Variants in VAV3 observed in about 807,000 individuals in gnomAD.
VAV3 encodes vav guanine nucleotide exchange factor 3.
In VAV3, 94 loss-of-function variants were observed where a neutral mutation model predicts 131.2. That is an observed-to-expected ratio of 0.72 (90% CI 0.61 to 0.85). The LOEUF is 0.85. Among genes scored for constraint, VAV3 ranks in the 40% least tolerant of loss-of-function variants. The pLI, the probability that VAV3 is intolerant of heterozygous loss-of-function variation, is 0.00. For missense variants in VAV3, 939 were observed against 1,002.7 expected, an observed-to-expected ratio of 0.94 and a Z score of 0.86; for synonymous variants, 349 against 342.0, an observed-to-expected ratio of 1.02 and a Z score of -0.22.
intron 2 of VAV3, among the ~76,000 whole-genome samples, chr1:107,797,560 G>C (rs891526152): frequency 1.3e-5 from 2 of 152,104 alleles, no homozygotes; most frequent in Admixed American, 1.3e-4. Flanking sequence ...CTGGGTCAAG[G>C]GAGGTTCTCC....
At chr1:107,882,427 AG>A (rs1334067859) in intron 1 of VAV3, among the ~76,000 whole-genome samples, 3 of 152,182 alleles carry the variant, frequency 2.0e-5, no homozygotes. Flanking sequence ...AAGGCACAGA[AG>A]AGACGACCAT....
intron 2 of VAV3, among the ~76,000 whole-genome samples, chr1:107,843,191 G>T (rs1668803932): frequency 6.6e-6 from 1 of 151,806 alleles, no homozygotes; most frequent in Non-Finnish European, 1.5e-5. Context: ...GACAGCTCTG[G>T]AATCAGGCTA....
At chr1:107,660,698 A>C (rs1429389300) in intron 19 of VAV3, among the ~76,000 whole-genome samples, 4 of 152,148 alleles carry the variant, frequency 2.6e-5, no homozygotes, top group African/African-American at 4.8e-5. Context: ...ATGCATATTA[A>C]TTTTTTTAAA....
At chr1:107,640,230 A>G (rs1312965275) in intron 20 of VAV3, among the ~76,000 whole-genome samples, 2 of 152,210 alleles carry the variant, frequency 1.3e-5, no homozygotes, top group East Asian at 3.8e-4. Flanking sequence ...GTCCATCAAC[A>G]GGTTAACGGG....
chr1:107,876,023 T>G (rs1282576450), intron 1 of VAV3, among the ~76,000 whole-genome samples: 1 of 151,456 alleles, frequency 6.6e-6, no homozygotes, highest in East Asian at 1.9e-4. Context: ...AAGAGGAGAG[T>G]ACCTGAGCCA....
At chr1:107,962,702 T>G (rs933895163) in intron 1 of VAV3, among the ~76,000 whole-genome samples, 1 of 152,208 alleles carries the variant, frequency 6.6e-6, no homozygotes, top group African/African-American at 2.4e-5. Flanking sequence ...GATTCACATT[T>G]GAGGGAAGCA....
chr1:107,964,593 A>G, intron 1 of VAV3, 73 bp downstream of exon 1: 2 of 1,515,580 alleles, frequency 1.3e-6, no homozygotes, highest in Non-Finnish European at 1.8e-6. Flanking sequence ...GTTTGCATTT[A>G]CACAAAGAAA....
chr1:107,620,479 G>A (rs1024689715), intron 20 of VAV3, among the ~76,000 whole-genome samples: 2 of 152,042 alleles, frequency 1.3e-5, no homozygotes, highest in African/African-American at 2.4e-5. Flanking sequence ...GGCTATACAC[G>A]TAGCCTAGGT....
chr1:107,852,598 G>T (rs1271084472), intron 2 of VAV3, among the ~76,000 whole-genome samples: 1 of 152,066 alleles, frequency 6.6e-6, no homozygotes, highest in African/African-American at 2.4e-5. Flanking sequence ...TGGCTGCAGA[G>T]TTCTCCATTT....
At chr1:107,755,590 T>A (rs959761547) in intron 11 of VAV3, 77 bp from the exon 12 acceptor site, 1 of 999,180 alleles carries the variant, frequency 1.0e-6, no homozygotes, top group African/African-American at 1.6e-5. Flanking sequence ...AGAAAACACA[T>A]CATTAATTCC....
At chr1:107,612,141 T>C (rs1177338330) in intron 21 of VAV3, among the ~76,000 whole-genome samples, 2 of 149,112 alleles carry the variant, frequency 1.3e-5, no homozygotes, top group Non-Finnish European at 3.0e-5. Flanking sequence ...TATATATATA[T>C]ATACACACAC....
At chr1:107,631,155 T>C (rs557214278) in intron 20 of VAV3, among the ~76,000 whole-genome samples, 27 of 151,974 alleles carry the variant, frequency 1.8e-4, no homozygotes, top group Non-Finnish European at 3.5e-4. Flanking sequence ...TAACACCTAT[T>C]TTTTTTTGAG....
rs535471005 is a variant in VAV3, at chr1:107,698,474, T to C, written c.1705+6076A>G. ...TAAAGTATGATAAGCAAAGCTATAA[T>C]GTACAATAGGTTAGGTGCATTGAAT... On this transcript the variant is annotated intron_variant, in intron 17 of 26. Coordinates refer to ENST00000370056, the MANE Select transcript of VAV3 (RefSeq NM_006113.5). 2.6e-5 allele frequency among the ~76,000 whole-genome samples: 4 copies of C among 152,322 alleles called. No individual in the cohort carries two copies. The East Asian group carries it at 7.7e-4, about 29-fold the overall frequency.
At chr1:107,950,691 T>C (rs1322119188) in intron 1 of VAV3, among the ~76,000 whole-genome samples, 2 of 152,126 alleles carry the variant, frequency 1.3e-5, no homozygotes, top group Non-Finnish European at 2.9e-5. Context: ...GACTGGCATA[T>C]CTCATGTTAC....
At chr1:107,652,533 T>A (rs1310171568) in intron 19 of VAV3, among the ~76,000 whole-genome samples, 1 of 152,194 alleles carries the variant, frequency 6.6e-6, no homozygotes, top group Non-Finnish European at 1.5e-5. Flanking sequence ...ACCCCTTTCC[T>A]GTAACAGGTC....
chr1:107,708,394 T>C lies in VAV3; in HGVS notation c.1503-3333A>G, dbSNP rs373017260. 2.0e-5 allele frequency among the ~76,000 whole-genome samples: 3 copies of C among 152,340 alleles called. No homozygotes were observed. The East Asian group carries it at 5.8e-4, about 29-fold the overall frequency. ...TAATCTGCCTTAACATATGACAATT[T>C]ACTTTTGAGAATGTCAATGGAATCT... On this transcript the variant is annotated intron_variant, in intron 15 of 26. Transcript: ENST00000370056.
intron 22 of VAV3, among the ~76,000 whole-genome samples, chr1:107,607,869 T>C (rs1652419340): frequency 6.6e-6 from 1 of 152,230 alleles, no homozygotes. Context: ...TGGTGATACT[T>C]AACTTCTCAG....
chr1:107,889,132 A>AGTGT (rs5776903), intron 1 of VAV3, among the ~76,000 whole-genome samples: 14,951 of 141,794 alleles, frequency 0.11, 923 homozygotes, highest in East Asian at 0.22. Context: ...TCCTGTGTAG[A>AGTGT]GTGTGTGTGT....
intron 25 of VAV3, among the ~76,000 whole-genome samples, chr1:107,594,611 T>A (rs1342713982): frequency 2.6e-5 from 4 of 152,108 alleles, no homozygotes; most frequent in Non-Finnish European, 4.4e-5. Context: ...AAAAGTCCTG[T>A]AATTCCCTTC....
Sources: gnomAD v4.1 joint callset for allele counts (sites outside exome capture counted in the v4.1 genomes callset) on GRCh38, gnomAD v4.1.1 for gene constraint, MANE v1.5 for transcripts, NCBI Gene and HGNC (gene_info 2026-07-23, HGNC 2026-07-21) for gene names.